The following SRGAP1 variants were observed in gnomAD, a reference collection of about 807,000 sequenced individuals.
SRGAP1 encodes the protein SLIT-ROBO Rho GTPase-activating protein 1.
SRGAP1 carries 43 observed loss-of-function variants against 121.9 expected under a neutral mutation model. That is an observed-to-expected ratio of 0.35 (90% CI 0.28 to 0.46). The LOEUF (loss-of-function observed/expected upper bound fraction) is 0.46, where lower values mean the gene tolerates loss of function less well. Among genes scored for constraint, SRGAP1 ranks in the 20% least tolerant of loss-of-function variants. The pLI, the probability that SRGAP1 is intolerant of heterozygous loss-of-function variation, is 1.00. For synonymous variants in SRGAP1, 447 were observed against 485.4 expected (o/e 0.92, Z 1.04); for missense variants, 1,102 against 1,350.9 (o/e 0.82, Z 2.89).
At position 63,946,415 on chromosome 12, in the gene SRGAP1, A is replaced by G. The variant is rs553190166; in HGVS notation, c.68-37532A>G. On this transcript the variant is annotated intron_variant, in intron 1 of 21. Transcript: ENST00000355086. Reference sequence around the variant, plus strand: ...CACTAAGATAGTGAACATTTCTATTACCACCACTCCTAAATTTTATCATGC... The same window carrying G: ...CACTAAGATAGTGAACATTTCTATTGCCACCACTCCTAAATTTTATCATGC... Among the ~76,000 whole-genome samples, 16 of 151,564 alleles carry G rather than the reference A, an allele frequency of 1.1e-4. No homozygotes were observed. In the South Asian group the frequency reaches 2.9e-3, roughly 28 times the overall value.
chr12:64,042,834 A>G lies in SRGAP1; in HGVS notation c.534A>G (p.Ala178=), dbSNP rs753400227. The part of the protein sequence containing the change: ...YHMYHAESIS[A]ESKLKEAEKQ... ...TGTATCATGCAGAGAGCATCAGTGCAGAGAGCAAGCTGAAAGAGGCCGAAA... is the reference window on the plus strand; with the variant it reads ...TGTATCATGCAGAGAGCATCAGTGCGGAGAGCAAGCTGAAAGAGGCCGAAA... The change falls in exon 5 of 22, where the codon GCA becomes GCG. Residue 178 remains alanine, a synonymous_variant. Transcript: ENST00000355086. 16 of 1,613,890 alleles carry G rather than the reference A, an allele frequency of 9.9e-6. No homozygotes were observed. The highest frequency in any genetic ancestry group is 1.4e-5 in the Non-Finnish European group (16 of 1,179,974).
intron 8 of SRGAP1, among the ~76,000 whole-genome samples, chr12:64,077,343 T>TA (rs2035756201): frequency 6.6e-6 from 1 of 151,770 alleles, no homozygotes; most frequent in African/African-American, 2.4e-5. Flanking sequence ...AGACACATAC[T>TA]AAAAAGAACT....
chr12:63,886,719 C>T (rs754540532), intron 1 of SRGAP1, among the ~76,000 whole-genome samples: 7 of 152,080 alleles, frequency 4.6e-5, no homozygotes, highest in Non-Finnish European at 1.0e-4. Flanking sequence ...CCATCCTTCG[C>T]CTTGGCCTCC....
At chr12:63,961,500 T>C (rs925442888) in intron 1 of SRGAP1, among the ~76,000 whole-genome samples, 3 of 152,162 alleles carry the variant, frequency 2.0e-5, no homozygotes, top group African/African-American at 7.2e-5. Context: ...AGATCGTATA[T>C]GTAGAGCATA....
At chr12:63,988,313 G>A (rs554227839) in intron 2 of SRGAP1, among the ~76,000 whole-genome samples, 1 of 152,264 alleles carries the variant, frequency 6.6e-6, no homozygotes, top group East Asian at 1.9e-4. Flanking sequence ...TAGAAATAAG[G>A]TAACATTTAC....
intron 1 of SRGAP1, among the ~76,000 whole-genome samples, chr12:63,907,110 A>G (rs73315392): frequency 1.3e-3 from 192 of 152,314 alleles, no homozygotes; most frequent in African/African-American, 4.4e-3. Flanking sequence ...ATCCTAGTGA[A>G]TGTGATATGA....
chr12:64,031,344 C>T (rs1462833678), intron 4 of SRGAP1, among the ~76,000 whole-genome samples: 1 of 150,854 alleles, frequency 6.6e-6, no homozygotes, highest in Non-Finnish European at 1.5e-5. Context: ...AAATAGCTGC[C>T]ATCTACCCTG....
At chr12:64,082,376 A>G (rs948462115) in intron 10 of SRGAP1, among the ~76,000 whole-genome samples, 1 of 152,058 alleles carries the variant, frequency 6.6e-6, no homozygotes, top group Non-Finnish European at 1.5e-5. Flanking sequence ...TATTGAGTCC[A>G]CATGCCAAAT....
chr12:64,110,555 A>T lies in SRGAP1; in HGVS notation c.1920-1207A>T, dbSNP rs1392419096. On this transcript the variant is annotated intron_variant, in intron 16 of 21. Transcript: ENST00000355086. ...TTTTTACTGCAAAATCAAAACTTGG[A>T]AGTAACATTTTTACATCAAGTTTCT... Among the ~76,000 whole-genome samples, 3 of 152,196 alleles carry T rather than the reference A, an allele frequency of 2.0e-5. No individual in the cohort carries two copies. The East Asian group carries it at 5.8e-4, about 29-fold the overall frequency.
At chr12:64,081,239 G>A (rs2035832760) in intron 10 of SRGAP1, 1 of 152,120 alleles carries the variant, frequency 6.6e-6, no homozygotes, top group African/African-American at 2.4e-5. Flanking sequence ...GAAATGAGAG[G>A]ACTGAGTTGT....
At chr12:64,063,599 T>C (rs540214715) in intron 7 of SRGAP1, among the ~76,000 whole-genome samples, 51 of 152,324 alleles carry the variant, frequency 3.3e-4, no homozygotes, top group Admixed American at 1.0e-3. Flanking sequence ...AAATGAGCCT[T>C]AGAAATTATG....
At chr12:63,913,564 A>G (rs1341636680) in intron 1 of SRGAP1, among the ~76,000 whole-genome samples, 1 of 149,782 alleles carries the variant, frequency 6.7e-6, no homozygotes, top group East Asian at 2.0e-4. Context: ...GTATATAAAG[A>G]CACAGTTCAA....
chr12:64,070,375 C>T (rs1043660881), intron 8 of SRGAP1, among the ~76,000 whole-genome samples: 4 of 152,108 alleles, frequency 2.6e-5, no homozygotes, highest in East Asian at 1.9e-4. Flanking sequence ...TTTAGGACAG[C>T]GTTGGCTTTT....
At chr12:64,086,738 AAAAAC>A (rs2136575146) in intron 10 of SRGAP1, among the ~76,000 whole-genome samples, 1 of 151,608 alleles carries the variant, frequency 6.6e-6, no homozygotes, top group East Asian at 1.9e-4. Context: ...AAAAAAAAAA[AAAAAC>A]ACAGCCTCAA....
intron 21 of SRGAP1, among the ~76,000 whole-genome samples, chr12:64,139,085 C>A (rs965736737): frequency 3.3e-5 from 5 of 152,212 alleles, no homozygotes; most frequent in African/African-American, 1.2e-4. Context: ...GGAGGACATT[C>A]AAAAGTTGAA....
At chr12:64,102,037 A>G (rs1229991525) in intron 15 of SRGAP1, among the ~76,000 whole-genome samples, 1 of 152,238 alleles carries the variant, frequency 6.6e-6, no homozygotes. Context: ...TGGCATGTAC[A>G]CATTTTGTTT....
intron 1 of SRGAP1, among the ~76,000 whole-genome samples, chr12:63,856,636 A>G (rs1374869704): frequency 1.3e-5 from 2 of 151,142 alleles, no homozygotes; most frequent in Non-Finnish European, 2.9e-5. Flanking sequence ...TGGACACTCT[A>G]TTGTGTTCCG....
At chr12:63,997,116 CT>C (rs1290263113) in intron 3 of SRGAP1, among the ~76,000 whole-genome samples, 1 of 151,988 alleles carries the variant, frequency 6.6e-6, no homozygotes, top group African/African-American at 2.4e-5. Flanking sequence ...CTGAAGGCAA[CT>C]GTAACACAAT....
intron 1 of SRGAP1, among the ~76,000 whole-genome samples, chr12:63,939,561 A>C (rs1306111837): frequency 1.3e-5 from 2 of 152,156 alleles, no homozygotes; most frequent in African/African-American, 2.4e-5. Flanking sequence ...TGCACCCCAT[A>C]GTGTTTGAAG....
Sources: gnomAD v4.1 joint callset for allele counts (sites outside exome capture counted in the v4.1 genomes callset) on GRCh38, gnomAD v4.1.1 for gene constraint, MANE v1.5 for transcripts, NCBI Gene and HGNC (gene_info 2026-07-23, HGNC 2026-07-21) for gene names.